The following ECM2 variants were observed in gnomAD, a reference collection of about 807,000 sequenced individuals.
The protein encoded by ECM2 is extracellular matrix protein 2, female organ and adipocyte specific.
In ECM2, 57 loss-of-function variants were observed where a neutral mutation model predicts 67.5. The ratio of observed to expected loss-of-function variants is 0.84; its 90% CI spans 0.68 to 1.05. ECM2 has a LOEUF of 1.05. Among genes scored for constraint, ECM2 ranks in the 50% least tolerant of loss-of-function variants. ECM2 has a pLI of 0.00. For synonymous variants in ECM2, 258 were observed against 294.5 expected (o/e 0.88, Z 1.27); for missense variants, 741 against 822.8 (o/e 0.90, Z 1.22).
intron 2 of ECM2, among the ~76,000 whole-genome samples, chr9:92,521,544 C>T (rs924501756): frequency 6.6e-6 from 1 of 151,998 alleles, no homozygotes; most frequent in African/African-American, 2.4e-5. Context: ...AAATACTGGC[C>T]ACAGAACATT....
At chr9:92,542,082 G>A in the ECM2 span, among the ~76,000 whole-genome samples, 3 of 152,172 alleles carry the variant, frequency 2.0e-5, no homozygotes, top group East Asian at 5.8e-4. Flanking sequence ...GTGAGCCACT[G>A]CACCCAGCCT....
At chr9:92,554,448 G>A in the ECM2 span, among the ~76,000 whole-genome samples, 1 of 152,210 alleles carries the variant, frequency 6.6e-6, no homozygotes, top group African/African-American at 2.4e-5. Context: ...CTCCCAAAGT[G>A]CTGGGATTAC....
chr9:92,547,414 A>G, the ECM2 span, among the ~76,000 whole-genome samples: 1 of 152,240 alleles, frequency 6.6e-6, no homozygotes, highest in African/African-American at 2.4e-5. Context: ...ATGTTTGTCA[A>G]CTGTTGAATG....
At chr9:92,523,676 T>C (rs1048350521) in intron 1 of ECM2, among the ~76,000 whole-genome samples, 2 of 152,218 alleles carry the variant, frequency 1.3e-5, no homozygotes, top group Non-Finnish European at 2.9e-5. Context: ...TGAATCTCCT[T>C]TGTGCTTAAA....
intron 9 of ECM2, 47 bp from the exon 10 acceptor site, chr9:92,496,530 C>A: frequency 6.3e-7 from 1 of 1,581,734 alleles, no homozygotes; most frequent in South Asian, 1.2e-5. Context: ...CAGTAATAAT[C>A]TGCCTTTAGG....
chr9:92,539,333 GC>G (rs1315247476), upstream of ECM2: 114 of 150,694 alleles, frequency 7.6e-4, 1 homozygote, highest in African/African-American at 2.6e-3. Context: ...GGTTTCTCCC[GC>G]CTTCCCCCGC....
intron 2 of ECM2, among the ~76,000 whole-genome samples, chr9:92,522,164 G>T (rs966365992): frequency 6.6e-6 from 1 of 151,990 alleles, no homozygotes; most frequent in African/African-American, 2.4e-5. Context: ...TCTGCTCACT[G>T]CAACCTCCAC....
intron 9 of ECM2, among the ~76,000 whole-genome samples, chr9:92,498,399 T>C (rs2131142913): frequency 6.6e-6 from 1 of 152,116 alleles, no homozygotes; most frequent in South Asian, 2.1e-4. Context: ...TGTATATATA[T>C]GTAACAAACC....
Position 92,496,445 on chromosome 9 carries a change from T to G in ECM2, c.1970A>C (p.Asp657Ala). The G allele has an allele frequency of 2.5e-6, 4 of 1,609,360 alleles. No individual in the cohort carries two copies. Among genetic ancestry groups the G allele is most frequent in the Non-Finnish European group, 3.4e-6 (4 of 1,178,684 alleles). Residue 657 changes from aspartate to alanine, a missense_variant, in exon 10 of 10, where the codon GAT becomes GCT. Physicochemically the swap from Asp to Ala is moderately radical, Grantham distance 126. Transcript: ENST00000344604. ...LPEEICNAEEDDDSNLEHLHL... is the reference protein window; with the variant it reads ...LPEEICNAEEADDSNLEHLHL... ...AAGATGTTCCAGATTTGAGTCATCA[T>G]CCTCTTCAGCATTGCAAATTTCTTC...
In ECM2 at chr9:92,517,670, T is replaced by C; in HGVS notation, c.481+17A>G. 1 of 1,613,544 alleles carries C rather than the reference T, an allele frequency of 6.2e-7. No individual in the cohort carries two copies. The highest frequency in any genetic ancestry group is 8.5e-7 in the Non-Finnish European group (1 of 1,179,764). On this transcript the variant is annotated intron_variant, in intron 3 of 9. Coordinates refer to ENST00000344604, the MANE Select transcript of ECM2 (RefSeq NM_001393.4). ...ATTAATCACACACTGATATTTTGCT[T>C]AGCTAAATCTCTGTACCAGTAGCGG...
chr9:92,532,015 G>GTTTTTTTTTATTTATT (rs1848800192), intron 1 of ECM2, among the ~76,000 whole-genome samples: 2 of 95,736 alleles, frequency 2.1e-5, no homozygotes, highest in Admixed American at 1.0e-4. Context: ...TTTATTTAAT[G>GTTTTTTTTTATTTATT]TTTTTTTTTT....
chr9:92,515,249 T>A (rs749677524), intron 3 of ECM2, 46 bp from the exon 4 acceptor site: 2 of 1,425,132 alleles, frequency 1.4e-6, no homozygotes, highest in Non-Finnish European at 1.8e-6. Context: ...GTTGATGATA[T>A]TAATAAAAGA....
intron 6 of ECM2, among the ~76,000 whole-genome samples, chr9:92,506,652 G>C (rs924141744): frequency 3.3e-5 from 5 of 152,132 alleles, no homozygotes; most frequent in Admixed American, 3.3e-4. Context: ...AATAAATGCT[G>C]GAAGATTAAA....
chr9:92,539,550 C>G (rs560859935), upstream of ECM2, among the ~76,000 whole-genome samples: 1 of 151,856 alleles, frequency 6.6e-6, no homozygotes, highest in African/African-American at 2.4e-5. Flanking sequence ...TTAAGTATAG[C>G]CTACTTACTA....
upstream of ECM2, chr9:92,539,110 C>T (rs1303851870): frequency 1.3e-5 from 2 of 152,198 alleles, no homozygotes; most frequent in African/African-American, 4.8e-5. Flanking sequence ...CCCCTGCCCA[C>T]GCACTGAATA....
the ECM2 span, among the ~76,000 whole-genome samples, chr9:92,555,388 G>A: frequency 1.3e-5 from 2 of 151,310 alleles, no homozygotes; most frequent in African/African-American, 4.9e-5. Context: ...CACCATGTCT[G>A]GCTGATTTTT....
chr9:92,504,166 G>C (rs995714414), intron 7 of ECM2, among the ~76,000 whole-genome samples: 29 of 152,018 alleles, frequency 1.9e-4, no homozygotes, highest in African/African-American at 7.0e-4. Context: ...TTCATTTCTG[G>C]CCCTGTCCCA....
chr9:92,509,214 G>A (rs1376762101), intron 6 of ECM2, among the ~76,000 whole-genome samples: 2 of 152,092 alleles, frequency 1.3e-5, no homozygotes, highest in Non-Finnish European at 2.9e-5. Context: ...GCCGTGGGGT[G>A]TGGAGTTAGC....
the ECM2 span, among the ~76,000 whole-genome samples, chr9:92,551,947 A>ATATATG: frequency 1.6e-5 from 2 of 126,226 alleles, no homozygotes; most frequent in African/African-American, 7.3e-5. Flanking sequence ...ATATATATAT[A>ATATATG]TATATGATAT....
Sources: allele counts gnomAD v4.1 joint callset (sites outside exome capture counted in the v4.1 genomes callset), GRCh38; gene constraint gnomAD v4.1.1; transcripts MANE v1.5; gene names NCBI Gene and HGNC (gene_info 2026-07-23, HGNC 2026-07-21).